Variants in DNAAF11 observed in about 807,000 individuals in gnomAD.
DNAAF11 encodes the protein leucine rich repeat containing 6.
In DNAAF11, 45 loss-of-function variants were observed where a neutral mutation model predicts 60.8. The observed-to-expected ratio is 0.74, with a 90% CI of 0.58 to 0.95. The LOEUF (loss-of-function observed/expected upper bound fraction) is 0.95. Among genes scored for constraint, DNAAF11 ranks in the 40% least tolerant of loss-of-function variants. The pLI, the probability that DNAAF11 is intolerant of heterozygous loss-of-function variation, is 0.00. For missense variants in DNAAF11, 546 were observed against 546.2 expected (o/e 1.00, Z 0.00); for synonymous variants, 191 against 183.5 (o/e 1.04, Z -0.33).
rs1282086532 is a variant in DNAAF11, at chr8:132,632,876, C to T, written c.517G>A (p.Glu173Lys). Residue 173 changes from glutamate to lysine, a missense_variant, in exon 5 of 12, where the codon GAA becomes AAA. Glu to Lys is a moderately conservative substitution (Grantham distance 56). Coordinates refer to ENST00000620350, the MANE Select transcript of DNAAF11 (RefSeq NM_012472.6). ...SVIEPQIREQEKDHCLKRAKL... is the reference protein window; with the variant it reads ...SVIEPQIREQKKDHCLKRAKL... ...GCTCGTTTAAGACAGTGATCTTTTT[C>T]CTGCTCTCTGATTTGTGGTTCAATT... 1 of 1,613,672 alleles carries T rather than the reference C, an allele frequency of 6.2e-7. No homozygotes were observed. The highest frequency in any genetic ancestry group is 8.5e-7 in the Non-Finnish European group (1 of 1,179,796).
chr8:132,616,636 G>A (rs1426045716), intron 7 of DNAAF11, among the ~76,000 whole-genome samples: 1 of 152,186 alleles, frequency 6.6e-6, no homozygotes, highest in African/African-American at 2.4e-5. Flanking sequence ...AGTGAGGCTG[G>A]AAATCAGGGG....
At chr8:132,638,162 A>G in intron 3 of DNAAF11, 55 bp from the exon 4 acceptor site, 1 of 1,374,660 alleles carries the variant, frequency 7.3e-7, no homozygotes, top group Non-Finnish European at 1.0e-6. Context: ...CACACTGGTA[A>G]CAAAACGTGT....
chr8:132,600,617 C>T (rs1166192076), intron 10 of DNAAF11, among the ~76,000 whole-genome samples: 2 of 152,100 alleles, frequency 1.3e-5, no homozygotes, highest in African/African-American at 4.8e-5. Flanking sequence ...AGAAATAACA[C>T]CACACATCTA....
At chr8:132,646,714 C>T (rs1265612042) in intron 3 of DNAAF11, among the ~76,000 whole-genome samples, 1 of 152,172 alleles carries the variant, frequency 6.6e-6, no homozygotes, top group African/African-American at 2.4e-5. Context: ...ATAAAACAGA[C>T]TTTAAACCAA....
At chr8:132,592,521 T>C (rs1485386047) in intron 10 of DNAAF11, among the ~76,000 whole-genome samples, 1 of 152,184 alleles carries the variant, frequency 6.6e-6, no homozygotes, top group African/African-American at 2.4e-5. Flanking sequence ...AAGCAGGGTC[T>C]ACAGCATGCA....
intron 3 of DNAAF11, among the ~76,000 whole-genome samples, chr8:132,648,714 T>C (rs1057043556): frequency 1.3e-5 from 2 of 152,044 alleles, no homozygotes; most frequent in East Asian, 1.9e-4. Context: ...TATACACCAA[T>C]AACAGACAAA....
chr8:132,652,487 G>A (rs559558929), intron 3 of DNAAF11, among the ~76,000 whole-genome samples: 13 of 152,210 alleles, frequency 8.5e-5, no homozygotes, highest in African/African-American at 2.4e-4. Context: ...AAGAGATTTC[G>A]AAGATATCTC....
chr8:132,666,196 T>C (rs1453495878), intron 1 of DNAAF11, among the ~76,000 whole-genome samples: 1 of 152,142 alleles, frequency 6.6e-6, no homozygotes, highest in Non-Finnish European at 1.5e-5. Context: ...CCAGCCATCA[T>C]CCAATATACC....
intron 4 of DNAAF11, among the ~76,000 whole-genome samples, chr8:132,633,745 A>C (rs13273800): frequency 6.6e-6 from 1 of 152,128 alleles, no homozygotes; most frequent in African/African-American, 2.4e-5. Flanking sequence ...TAAGTAAAAG[A>C]GAAAGACATG....
At chr8:132,600,974 G>C (rs1170363303) in intron 10 of DNAAF11, among the ~76,000 whole-genome samples, 1 of 152,168 alleles carries the variant, frequency 6.6e-6, no homozygotes, top group African/African-American at 2.4e-5. Flanking sequence ...ACTACCATCA[G>C]AGTGAATAGG....
At chr8:132,620,532 ACC>A (rs1819650423) in intron 7 of DNAAF11, among the ~76,000 whole-genome samples, 1 of 152,058 alleles carries the variant, frequency 6.6e-6, no homozygotes, top group Non-Finnish European at 1.5e-5. Flanking sequence ...ATGGGGTTTC[ACC>A]ACGTTGGCCA....
rs1238499344 is a variant in DNAAF11, at chr8:132,571,035, C to T, written c.*1271G>A. 6.6e-6 allele frequency among the ~76,000 whole-genome samples: 1 copy of T among 152,206 alleles called. No individual in the cohort carries two copies. Among genetic ancestry groups the T allele is most frequent in the Non-Finnish European group, 1.5e-5 (1 of 68,044 alleles). On this transcript the variant is annotated 3_prime_UTR_variant, in exon 12 of 12. Coordinates refer to ENST00000620350, the MANE Select transcript of DNAAF11 (RefSeq NM_012472.6). ...CTCTTCCCACATTTGTGCCCAATTG[C>T]ATTCCTATAACCAGTCCCTCATTCT...
intron 5 of DNAAF11, among the ~76,000 whole-genome samples, chr8:132,628,490 TCTG>T: frequency 6.6e-6 from 1 of 152,134 alleles, no homozygotes; most frequent in Non-Finnish European, 1.5e-5. Context: ...CCCTGATCCC[TCTG>T]CTTTAGGCTG....
chr8:132,659,017 G>A (rs1028989307), intron 2 of DNAAF11, among the ~76,000 whole-genome samples: 6 of 152,128 alleles, frequency 3.9e-5, no homozygotes, highest in Non-Finnish European at 7.3e-5. Context: ...CTGCCTTCTC[G>A]GATTTAAGCA....
chr8:132,637,683 G>A (rs939263194), intron 4 of DNAAF11, among the ~76,000 whole-genome samples: 2 of 152,046 alleles, frequency 1.3e-5, no homozygotes, highest in East Asian at 1.9e-4. Context: ...TGAACTCATT[G>A]AGAAAAAGTC....
At chr8:132,585,300 T>C (rs1384555829) in intron 10 of DNAAF11, among the ~76,000 whole-genome samples, 1 of 152,214 alleles carries the variant, frequency 6.6e-6, no homozygotes, top group Non-Finnish European at 1.5e-5. Context: ...TTTTCAATTA[T>C]ATTTTGTAAA....
intron 7 of DNAAF11, among the ~76,000 whole-genome samples, chr8:132,621,828 T>C (rs1345887825): frequency 1.3e-5 from 2 of 152,240 alleles, no homozygotes; most frequent in East Asian, 3.9e-4. Flanking sequence ...TCACTCCACC[T>C]CTCTCAGGCC....
At chr8:132,677,864 T>C (rs1011102360), upstream of DNAAF11, among the ~76,000 whole-genome samples, 3 of 152,134 alleles carry the variant, frequency 2.0e-5, no homozygotes, top group African/African-American at 4.8e-5. Flanking sequence ...ACAGAAGGGA[T>C]AGAAAAGGTG....
intron 1 of DNAAF11, among the ~76,000 whole-genome samples, chr8:132,669,940 C>CAAAAAAAAAAAAAAAAAAAAA (rs35402875): frequency 1.4e-5 from 1 of 69,786 alleles, no homozygotes; most frequent in African/African-American, 4.0e-5. Context: ...GACTCCGTCT[C>CAAAAAAAAAAAAAAAAAAAAA]AAAAAAAAAA....
Sources: gnomAD v4.1 joint callset for allele counts (sites outside exome capture counted in the v4.1 genomes callset) on GRCh38, gnomAD v4.1.1 for gene constraint, MANE v1.5 for transcripts, NCBI Gene and HGNC (gene_info 2026-07-23, HGNC 2026-07-21) for gene names.